Variants in LIMCH1 observed in about 807,000 individuals in gnomAD.
The protein encoded by LIMCH1 is LIM and calponin homology domains-containing protein 1.
LIMCH1 carries 113 observed loss-of-function variants against 176.5 expected under a neutral mutation model. The ratio of observed to expected loss-of-function variants is 0.64; its 90% CI spans 0.55 to 0.75. The LOEUF (loss-of-function observed/expected upper bound fraction) is 0.75. Ranked by LOEUF, LIMCH1 falls within the 30% of genes least tolerant of loss-of-function variation. The pLI is 0.00. For synonymous variants in LIMCH1, 619 were observed against 645.9 expected, an observed-to-expected ratio of 0.96 and a Z score of 0.63; for missense variants, 1,674 against 1,814.9, an observed-to-expected ratio of 0.92 and a Z score of 1.41.
intron 4 of LIMCH1, chr4:41,613,084 G>A (rs558015517): frequency 7.7e-6 from 12 of 1,552,180 alleles, no homozygotes; most frequent in East Asian, 2.4e-5. Context: ...TATGGATTCC[G>A]AAAGACAAGT....
At chr4:41,425,300 C>G (rs1457280003) in intron 1 of LIMCH1, among the ~76,000 whole-genome samples, 1 of 152,100 alleles carries the variant, frequency 6.6e-6, no homozygotes, top group African/African-American at 2.4e-5. Flanking sequence ...CTTCCTTAAT[C>G]CTCTTCTCTT....
intron 3 of LIMCH1, among the ~76,000 whole-genome samples, chr4:41,527,845 A>C (rs971086692): frequency 3.4e-5 from 5 of 148,724 alleles, no homozygotes; most frequent in Non-Finnish European, 6.0e-5. Flanking sequence ...AAAAAAAAAA[A>C]AAAACTGCCC....
In LIMCH1 at chr4:41,684,420, A is replaced by C; in HGVS notation, c.3869A>C (p.His1290Pro). Residue 1290 changes from histidine (H) to proline (P), a missense_variant, in exon 27 of 32, where the codon CAT becomes CCT. This residue lies in a region of LIMCH1 where 1,015 missense variants were observed against 1,102.5 expected (regional missense o/e 0.92). Coordinates refer to ENST00000503057, the MANE Select transcript of LIMCH1 (RefSeq NM_001330672.2). ...KGSLTEGALA[H>P]SGNPVSKGVH... Reference sequence around the variant, plus strand: ...AGCCTAACTGAAGGGGCCTTGGCTCATTCTGGGAACCCTGTATCAAAAGGA... The same window carrying C: ...AGCCTAACTGAAGGGGCCTTGGCTCCTTCTGGGAACCCTGTATCAAAAGGA... 6.2e-7 allele frequency: 1 copy of C among 1,613,814 alleles called. No individual in the cohort carries two copies. The highest frequency in any genetic ancestry group is 8.5e-7 in the Non-Finnish European group (1 of 1,179,808).
intron 1 of LIMCH1, among the ~76,000 whole-genome samples, chr4:41,481,297 G>A (rs1399426807): frequency 2.0e-5 from 3 of 152,332 alleles, no homozygotes; most frequent in African/African-American, 7.2e-5. Context: ...AACTGCCACA[G>A]GAAGAAGAGT....
At chr4:41,646,021 T>C in intron 15 of LIMCH1, 102 bp from the exon 16 acceptor site, 5 of 1,188,228 alleles carry the variant, frequency 4.2e-6, no homozygotes, top group Non-Finnish European at 6.0e-6. Context: ...CCTGGGCCCA[T>C]AGTCAGTTCT....
intron 1 of LIMCH1, among the ~76,000 whole-genome samples, chr4:41,578,688 CT>C (rs1454387794): frequency 6.6e-6 from 1 of 151,938 alleles, no homozygotes; most frequent in Non-Finnish European, 1.5e-5. Flanking sequence ...AGTATTTCTT[CT>C]TTTCTTTTCT....
chr4:41,680,039 G>A lies in LIMCH1; in HGVS notation c.3553G>A (p.Glu1185Lys). The change falls in exon 24 of 32, where the codon GAA becomes AAA. Residue 1185 changes from glutamate to lysine, a missense_variant. Transcript: ENST00000503057. ...RYQKEQDKLK[E>K]EWEKAQKEVE... ...CCAGAAGGAGCAGGACAAGCTGAAA[G>A]AAGAGTGGGAAAAGGCCCAAAAGGA... The A allele has an allele frequency of 6.2e-7, 1 of 1,610,706 alleles. No homozygotes were observed. The highest frequency in any genetic ancestry group is 8.5e-7 in the Non-Finnish European group (1 of 1,178,462).
rs144100926 is a variant in LIMCH1, at chr4:41,423,419, G to A, written c.96+62483G>A. Among the ~76,000 whole-genome samples, 64 of 151,148 alleles carry A rather than the reference G, an allele frequency of 4.2e-4. 1 individual carries two copies. Among genetic ancestry groups the A allele is most frequent in the Non-Finnish European group, 8.2e-4 (56 of 67,952 alleles). ...TTTGCAAATGAGCAAAAAGTAATTT[G>A]CATTAAATACAAATATGTTGTCTTG... On this transcript the variant is annotated intron_variant, in intron 1 of 26. Transcript: ENST00000313860.
intron 1 of LIMCH1, among the ~76,000 whole-genome samples, chr4:41,560,941 C>T (rs2081986323): frequency 1.3e-5 from 2 of 151,840 alleles, no homozygotes; most frequent in African/African-American, 2.4e-5. Context: ...CACTTTAGTC[C>T]AGGAGGTCAA....
intron 1 of LIMCH1, chr4:41,551,537 A>C (rs1199582154): frequency 6.6e-6 from 1 of 152,210 alleles, no homozygotes; most frequent in Non-Finnish European, 1.5e-5. Context: ...ATACGAGATG[A>C]AATTAGAGTG....
At chr4:41,531,482 ACACACAC>A (rs2077290881) in intron 3 of LIMCH1, among the ~76,000 whole-genome samples, 1 of 120,860 alleles carries the variant, frequency 8.3e-6, no homozygotes, top group African/African-American at 4.0e-5. Context: ...TGTCACACAC[ACACACAC>A]ACACACACAC....
intron 1 of LIMCH1, among the ~76,000 whole-genome samples, chr4:41,576,906 A>G (rs557507414): frequency 6.7e-4 from 102 of 152,288 alleles, no homozygotes; most frequent in African/African-American, 1.7e-3. Flanking sequence ...AGCAGAATTG[A>G]CTGTTGATAA....
At position 41,629,573 on chromosome 4, in the gene LIMCH1, A is replaced by G. The variant is rs2093189007; in HGVS notation, c.1110A>G (p.Gly370=). ...AGGAAAGTGAACCTGTGGAAGGAGGACTCAGGAAGGTGCCAGATCTTCACA... is the reference window on the plus strand; with the variant it reads ...AGGAAAGTGAACCTGTGGAAGGAGGGCTCAGGAAGGTGCCAGATCTTCACA... The part of the protein sequence containing the change: ...RAQESEPVEG[G]LRKVPDLHKD... Residue 370 remains glycine, a synonymous_variant, in exon 9 of 32, where the codon GGA becomes GGG. Transcript: ENST00000503057. 6.5e-7 allele frequency: 1 copy of G among 1,535,944 alleles called. No individual in the cohort carries two copies. The highest frequency in any genetic ancestry group is 1.2e-5 in the South Asian group (1 of 84,058).
intron 1 of LIMCH1, among the ~76,000 whole-genome samples, chr4:41,462,167 G>T (rs1195788523): frequency 1.3e-5 from 2 of 152,194 alleles, no homozygotes; most frequent in East Asian, 3.8e-4. Context: ...CCAGCATCTG[G>T]TGTGGGGATA....
intron 13 of LIMCH1, 76 bp downstream of exon 13, chr4:41,633,884 G>T: frequency 7.1e-7 from 1 of 1,414,980 alleles, no homozygotes; most frequent in Non-Finnish European, 9.5e-7. Context: ...ATGCATTATG[G>T]CACCTCAGTG....
intron 2 of LIMCH1, among the ~76,000 whole-genome samples, chr4:41,500,695 A>C (rs941622819): frequency 6.6e-6 from 1 of 152,232 alleles, no homozygotes; most frequent in African/African-American, 2.4e-5. Flanking sequence ...CAGAATCACC[A>C]ATATGACTAT....
rs1164759043 is a variant in LIMCH1 at position 41,447,357 on chromosome 4, TC to T, written c.97-47178del. Among the ~76,000 whole-genome samples, 6 of 152,326 alleles carry T rather than the reference TC, an allele frequency of 3.9e-5. No individual in the cohort carries two copies. The South Asian group carries it at 1.2e-3, about 32-fold the overall frequency. Reference sequence around the variant, plus strand: ...TGGTAAGTTGGGTTAAATACTGATATCTGCTTCTTTAACAGGATCACTGTTC... The same window carrying T: ...TGGTAAGTTGGGTTAAATACTGATATTGCTTCTTTAACAGGATCACTGTTC... On this transcript the variant is annotated intron_variant, in intron 1 of 26. Transcript: ENST00000313860.
intron 2 of LIMCH1, among the ~76,000 whole-genome samples, chr4:41,521,046 A>G (rs1419620917): frequency 6.6e-6 from 1 of 152,136 alleles, no homozygotes; most frequent in African/African-American, 2.4e-5. Flanking sequence ...TGTGTCTTAT[A>G]CTTCACCAAC....
At chr4:41,397,468 T>C (rs1273255511) in intron 1 of LIMCH1, among the ~76,000 whole-genome samples, 4 of 152,204 alleles carry the variant, frequency 2.6e-5, no homozygotes, top group African/African-American at 9.6e-5. Flanking sequence ...TGGATTTACA[T>C]GCAGTGTTTT....
Sources: gnomAD v4.1 joint callset for allele counts (sites outside exome capture counted in the v4.1 genomes callset) on GRCh38, gnomAD v4.1.1 for gene constraint, gnomAD v4.1.1 regional missense constraint, MANE v1.5 for transcripts, NCBI Gene and HGNC (gene_info 2026-07-23, HGNC 2026-07-21) for gene names.